MYBPC2: variants seen among roughly 807,000 people sequenced by gnomAD.
The protein encoded by MYBPC2 is myosin binding protein C2.
Under a neutral mutation model 137.0 loss-of-function variants are expected in MYBPC2, and 122 were observed. The observed-to-expected ratio is 0.89, with a 90% CI of 0.77 to 1.03. MYBPC2 has a LOEUF of 1.03. Ranked by LOEUF, MYBPC2 falls within the 50% of genes least tolerant of loss-of-function variation. The probability of loss-of-function intolerance (pLI) is 0.00; values close to 1 mark genes in which losing one functional copy is unlikely to be tolerated. For synonymous variants in MYBPC2, 626 were observed against 612.3 expected (o/e 1.02, Z -0.33); for missense variants, 1,500 against 1,534.4 (o/e 0.98, Z 0.37).
In MYBPC2 at chr19:50,436,748, G is replaced by C; in HGVS notation, c.463+14G>C. On this transcript the variant is annotated intron_variant, in intron 5 of 27. Transcript: ENST00000357701. ...TCGATGTGGAGGGTATGCTGGTGGG[G>C]GATGCGGGAGCAAAGGGTTCTATGT... 6.2e-7 allele frequency: 1 copy of C among 1,610,846 alleles called. No homozygotes were observed. The highest frequency in any genetic ancestry group is 1.1e-5 in the South Asian group (1 of 90,966).
At position 50,450,857 on chromosome 19, in the gene MYBPC2, C is replaced by G; in HGVS notation, c.1501C>G (p.Arg501Gly). 6.3e-7 allele frequency: 1 copy of G among 1,576,856 alleles called. No homozygotes were observed. Among genetic ancestry groups the G allele is most frequent in the Non-Finnish European group, 8.6e-7 (1 of 1,161,576 alleles). ...CCACAAGCTGGTGATCGATGACGTC[C>G]GCCCCGAGGATGAGGGAGACTACAC... ...RFHKLVIDDV[R>G]PEDEGDYTFV... The change falls in exon 14 of 28, where the codon CGC becomes GGC. Residue 501 changes from arginine to glycine, a missense_variant. Transcript: ENST00000357701.
chr19:50,462,545 ACAAT>A (rs1385485144), intron 26 of MYBPC2, among the ~76,000 whole-genome samples: 1 of 151,876 alleles, frequency 6.6e-6, no homozygotes, highest in African/African-American at 2.4e-5. Context: ...CAAGTCTCAG[ACAAT>A]CAATCACATC....
intron 15 of MYBPC2, among the ~76,000 whole-genome samples, chr19:50,451,656 G>C (rs1601290969): frequency 6.7e-6 from 1 of 149,880 alleles, no homozygotes; most frequent in East Asian, 2.0e-4. Context: ...GGGTATGAGG[G>C]AGGAGGGGCT....
In MYBPC2 at chr19:50,450,847, C is replaced by T. The variant is rs536971167; in HGVS notation, c.1491C>T (p.Ile497=). ...CCCTTAGGTTCCACAAGCTGGTGAT[C>T]GATGACGTCCGCCCCGAGGATGAGG... is the stretch of plus-strand genomic sequence containing the variant. ...SHVGRFHKLV[I]DDVRPEDEGD... The change falls in exon 14 of 28, where the codon ATC becomes ATT. Residue 497 remains isoleucine, a synonymous_variant. Transcript: ENST00000357701. 84 of 1,572,392 alleles carry T rather than the reference C, an allele frequency of 5.3e-5. No individual in the cohort carries two copies. In the African/African-American group the frequency reaches 9.3e-4, roughly 17 times the overall value.
intron 23 of MYBPC2, among the ~76,000 whole-genome samples, 179 bp downstream of exon 23, chr19:50,459,485 A>G (rs1228845349): frequency 4.9e-4 from 3 of 6,124 alleles, no homozygotes; most frequent in Non-Finnish European, 2.8e-4. Flanking sequence ...GTGAGAGATG[A>G]GGGGTGGGAG....
Position 50,436,654 on chromosome 19 carries a change from T to C in MYBPC2, c.383T>C (p.Leu128Pro). The change falls in exon 5 of 28, where the codon CTG (leucine) becomes CCG (proline). Residue 128 changes from leucine (L) to proline (P), a missense_variant. Coordinates refer to ENST00000357701, the MANE Select transcript of MYBPC2 (RefSeq NM_004533.4). The stretch of plus-strand genomic sequence containing the variant: ...GAGCTGCACATTGGGAAGGTGGTAC[T>C]GGGGGACCGTGGGTATTACCGCCTC... ...TVELHIGKVV[L>P]GDRGYYRLEV... 6.2e-7 allele frequency: 1 copy of C among 1,613,930 alleles called. No individual in the cohort carries two copies. The highest frequency in any genetic ancestry group is 8.5e-7 in the Non-Finnish European group (1 of 1,179,836).
chr19:50,459,181 G>A lies in MYBPC2; in HGVS notation c.2666G>A (p.Arg889Gln), dbSNP rs1338573166. 1.2e-6 allele frequency: 2 copies of A among 1,607,326 alleles called. No homozygotes were observed. Among genetic ancestry groups the A allele is most frequent in the Admixed American group, 1.7e-5 (1 of 59,520 alleles). ...CTGGACACCTCCCGCGTGCACGTGC[G>A]GACCAGCGACTTCGACACCGTGTTC... Reference protein sequence around the residue: ...APLDTSRVHVRTSDFDTVFFV... With the variant: ...APLDTSRVHVQTSDFDTVFFV... Residue 889 changes from arginine to glutamine, a missense_variant, in exon 23 of 28, where the codon CGG becomes CAG. Transcript: ENST00000357701.
chr19:50,447,105 CTG>C lies in MYBPC2; in HGVS notation c.1306+1057_1306+1058del, dbSNP rs765536915. 2.6e-5 allele frequency among the ~76,000 whole-genome samples: 4 copies of C among 152,068 alleles called. No homozygotes were observed. In the South Asian group the frequency reaches 6.2e-4, roughly 24 times the overall value. On this transcript the variant is annotated intron_variant, in intron 12 of 27. Transcript: ENST00000357701. ...TGCAGTTGTCTCCTCTCTGGTCACT[CTG>C]TGTCTATACCTGCCCCTTGACCTCC...
Position 50,454,315 on chromosome 19 carries a change from T to C in MYBPC2, c.1960T>C (p.Trp654Arg). 1 of 1,613,646 alleles carries C rather than the reference T, an allele frequency of 6.2e-7. No homozygotes were observed. Among genetic ancestry groups the C allele is most frequent in the South Asian group, 1.1e-5 (1 of 91,056 alleles). ...AVRITSVGED[W>R]AILVWEPPMY... ...GCGCATCACCTCGGTTGGAGAGGAT[T>C]GGGCCATCCTTGTCTGGGAGCCACC... The change falls in exon 18 of 28, where the codon TGG (tryptophan) becomes CGG (arginine). Residue 654 changes from tryptophan (W) to arginine (R), a missense_variant. By Grantham distance (101) the Trp-to-Arg change is moderately radical. Transcript: ENST00000357701.
chr19:50,437,074 T>G (rs2039710584), intron 5 of MYBPC2, among the ~76,000 whole-genome samples: 1 of 151,252 alleles, frequency 6.6e-6, no homozygotes, highest in Non-Finnish European at 1.5e-5. Flanking sequence ...GGGTTTAGAG[T>G]GAGGGTGTAC....
chr19:50,466,284 C>T lies in MYBPC2; in HGVS notation c.*79C>T. 6.3e-7 allele frequency: 1 copy of T among 1,593,554 alleles called. No homozygotes were observed. The highest frequency in any genetic ancestry group is 1.1e-5 in the South Asian group (1 of 90,082). Reference sequence around the variant, plus strand: ...CCAACCTCCCAGGACTGTGTTCTTTCTGGAGTTTTCGCTGAGAACAAAACA... The same window carrying T: ...CCAACCTCCCAGGACTGTGTTCTTTTTGGAGTTTTCGCTGAGAACAAAACA... On this transcript the variant is annotated 3_prime_UTR_variant, in exon 28 of 28. Transcript: ENST00000357701. The surrounding 1 kb of genome is among the most constrained non-coding windows in gnomAD (Gnocchi z 4.9).
chr19:50,452,890 C>A (rs938362814), intron 16 of MYBPC2, among the ~76,000 whole-genome samples: 2 of 151,936 alleles, frequency 1.3e-5, no homozygotes, highest in Non-Finnish European at 2.9e-5. Context: ...ATCCGTCCAA[C>A]AAATATTTTA....
In MYBPC2 at chr19:50,445,865, G is replaced by C; in HGVS notation, c.1134-15G>C. The C allele has an allele frequency of 6.3e-7, 1 of 1,595,620 alleles. No individual in the cohort carries two copies. Among genetic ancestry groups the C allele is most frequent in the Non-Finnish European group, 8.5e-7 (1 of 1,170,922 alleles). ...GCTGTCTCCTCACATCCCGTTCTGT[G>C]TCTCACCCACCTAGGATGAAAGATG... On this transcript the variant is annotated splice_polypyrimidine_tract_variant and intron_variant, in intron 11 of 27. Transcript: ENST00000357701.
chr19:50,460,031 C>T lies in MYBPC2; in HGVS notation c.2792-9C>T. ...CCTGGACTGACTTGTCACACTTCCCCATTTCCAGAAAAGGCTGGGCCCCCC... is the reference window on the plus strand; with the variant it reads ...CCTGGACTGACTTGTCACACTTCCCTATTTCCAGAAAAGGCTGGGCCCCCC... On this transcript the variant is annotated splice_polypyrimidine_tract_variant and intron_variant, in intron 23 of 27. Transcript: ENST00000357701. The T allele has an allele frequency of 6.4e-7, 1 of 1,551,122 alleles. No individual in the cohort carries two copies. Among genetic ancestry groups the T allele is most frequent in the Non-Finnish European group, 8.7e-7 (1 of 1,147,140 alleles).
At chr19:50,463,428 T>C (rs975817391) in intron 26 of MYBPC2, among the ~76,000 whole-genome samples, 1 of 152,240 alleles carries the variant, frequency 6.6e-6, no homozygotes, top group Non-Finnish European at 1.5e-5. Flanking sequence ...TCCACTCATT[T>C]ATCCACCTAC....
intron 16 of MYBPC2, among the ~76,000 whole-genome samples, chr19:50,453,065 A>G (rs1465791231): frequency 6.6e-6 from 1 of 152,166 alleles, no homozygotes; most frequent in Non-Finnish European, 1.5e-5. Context: ...GGATGCAACC[A>G]TGAGTTGGAT....
intron 7 of MYBPC2, 27 bp downstream of exon 7, chr19:50,437,745 G>A: frequency 1.3e-6 from 2 of 1,587,570 alleles, no homozygotes; most frequent in Non-Finnish European, 1.7e-6. Context: ...GCACAGAGAG[G>A]GGAGATGGGA....
At position 50,459,233 on chromosome 19, in the gene MYBPC2, C is replaced by G; in HGVS notation, c.2718C>G (p.Asp906Glu). Residue 906 changes from aspartate (D) to glutamate (E), a missense_variant, in exon 23 of 28, where the codon GAC becomes GAG. Physicochemically the swap from Asp to Glu is conservative, Grantham distance 45 (BLOSUM62 2). Coordinates refer to ENST00000357701, the MANE Select transcript of MYBPC2 (RefSeq NM_004533.4). ...VFFVRQAARS[D>E]SGEYELSVQI... Reference sequence around the variant, plus strand: ...TCGTGCGCCAGGCGGCCCGCTCCGACTCCGGGGAGTACGAGCTGAGCGTGC... The same window carrying G: ...TCGTGCGCCAGGCGGCCCGCTCCGAGTCCGGGGAGTACGAGCTGAGCGTGC... 6.2e-7 allele frequency: 1 copy of G among 1,611,498 alleles called. No individual in the cohort carries two copies. Among genetic ancestry groups the G allele is most frequent in the Non-Finnish European group, 8.5e-7 (1 of 1,179,574 alleles).
At chr19:50,437,019 G>A (rs1370476699) in intron 5 of MYBPC2, among the ~76,000 whole-genome samples, 1 of 152,156 alleles carries the variant, frequency 6.6e-6, no homozygotes. Flanking sequence ...TAGGCAAAAC[G>A]GCTTGGGAAG....
Sources: gnomAD v4.1 joint callset for allele counts (sites outside exome capture counted in the v4.1 genomes callset) on GRCh38, gnomAD v4.1.1 for gene constraint, Gnocchi (gnomAD v3.1) non-coding constraint, MANE v1.5 for transcripts, NCBI Gene and HGNC (gene_info 2026-07-23, HGNC 2026-07-21) for gene names.